PLA2G4C: variants seen among roughly 807,000 people sequenced by gnomAD.
PLA2G4C encodes phospholipase A2 group IVC, also known as cytosolic phospholipase A2 gamma.
PLA2G4C carries 64 observed loss-of-function variants against 73.8 expected under a neutral mutation model. The ratio of observed to expected loss-of-function variants is 0.87; its 90% CI spans 0.71 to 1.07. The LOEUF is 1.07. Among genes scored for constraint, PLA2G4C ranks in the 50% least tolerant of loss-of-function variants. The pLI, the probability that PLA2G4C is intolerant of heterozygous loss-of-function variation, is 0.00. For synonymous variants in PLA2G4C, 254 were observed against 252.1 expected, an observed-to-expected ratio of 1.01 and a Z score of -0.07; for missense variants, 622 against 665.4, an observed-to-expected ratio of 0.93 and a Z score of 0.72.
intron 14 of PLA2G4C, chr19:48,061,469 CA>C (rs985142907): frequency 6.3e-4 from 99 of 158,028 alleles, no homozygotes; most frequent in African/African-American, 2.2e-3. Flanking sequence ...TGGATCAGGC[CA>C]CACAGCTGGT....
intron 7 of PLA2G4C, among the ~76,000 whole-genome samples, chr19:48,093,556 G>A (rs369189186): frequency 1.5e-4 from 23 of 152,214 alleles, no homozygotes; most frequent in East Asian, 1.4e-3. Context: ...TATCGCACTT[G>A]GAATCCAAAC....
In PLA2G4C at chr19:48,105,460, C is replaced by G; in HGVS notation, c.9-16G>C. 2 of 1,584,698 alleles carry G rather than the reference C, an allele frequency of 1.3e-6. 1 individual carries two copies. Among genetic ancestry groups the G allele is most frequent in the South Asian group, 2.2e-5 (2 of 89,764 alleles). ...AACTTCAGAGCTTCCCAGGAGAAAA[C>G]ACAAAGAAGTCCAGAAAATTCACAG... On this transcript the variant is annotated splice_polypyrimidine_tract_variant and intron_variant, in intron 2 of 16. Transcript: ENST00000599921.
At chr19:48,050,723 G>A (rs1297410601) in intron 16 of PLA2G4C, among the ~76,000 whole-genome samples, 2 of 127,340 alleles carry the variant, frequency 1.6e-5, no homozygotes, top group African/African-American at 2.9e-5. Context: ...CATCGAAGCT[G>A]GAGTGCAGTG....
intron 7 of PLA2G4C, among the ~76,000 whole-genome samples, chr19:48,090,958 AC>A (rs1228407867): frequency 2.0e-5 from 3 of 151,696 alleles, no homozygotes. Flanking sequence ...TTGGGCTATG[AC>A]TGTGCTTTTG....
At chr19:48,093,810 G>A (rs2031433722) in intron 7 of PLA2G4C, among the ~76,000 whole-genome samples, 1 of 152,182 alleles carries the variant, frequency 6.6e-6, no homozygotes, top group Non-Finnish European at 1.5e-5. Flanking sequence ...ATCAGATCAT[G>A]GGGGCAGATC....
In PLA2G4C at chr19:48,106,533, GCA is replaced by G; in HGVS notation, c.-6_-5del. 1 of 1,612,142 alleles carries G rather than the reference GCA, an allele frequency of 6.2e-7. No homozygotes were observed. Among genetic ancestry groups the G allele is most frequent in the South Asian group, 1.1e-5 (1 of 91,052 alleles). ...CTAAGAGGACTTACCTTCCCATGGT[GCA>G]CTGCGGTCAGAAAATTCTCAGTCCT... On this transcript the variant is annotated 5_prime_UTR_variant, in exon 2 of 17. Transcript: ENST00000599921.
At chr19:48,110,037 C>T (rs2032413147) in intron 1 of PLA2G4C, among the ~76,000 whole-genome samples, 1 of 151,006 alleles carries the variant, frequency 6.6e-6, no homozygotes, top group South Asian at 2.1e-4. Context: ...GGACTTCTAG[C>T]TTCCAGAAGT....
chr19:48,067,369 T>C (rs575192077), intron 13 of PLA2G4C, among the ~76,000 whole-genome samples: 4 of 152,126 alleles, frequency 2.6e-5, no homozygotes, highest in African/African-American at 9.6e-5. Flanking sequence ...GGTTTTACCA[T>C]GTTGGCCAAG....
rs774072527 is a variant in PLA2G4C, at chr19:48,095,623, G to C, written c.569-19C>G. On this transcript the variant is annotated intron_variant, in intron 6 of 16. Coordinates refer to ENST00000599921, the MANE Select transcript of PLA2G4C (RefSeq NM_003706.3). ...CAGGTCTCTGCAGAGGAAATACAACGGCAAGTGAGTCCCAGCACAGAACCA... is the reference window on the plus strand; with the variant it reads ...CAGGTCTCTGCAGAGGAAATACAACCGCAAGTGAGTCCCAGCACAGAACCA... The C allele has an allele frequency of 6.2e-7, 1 of 1,613,262 alleles. No homozygotes were observed. The highest frequency in any genetic ancestry group is 8.5e-7 in the Non-Finnish European group (1 of 1,179,364).
chr19:48,059,355 T>G (rs1244329629), intron 14 of PLA2G4C, among the ~76,000 whole-genome samples: 1 of 152,012 alleles, frequency 6.6e-6, no homozygotes, highest in Non-Finnish European at 1.5e-5. Context: ...ATGTCAAAAG[T>G]GTGATTGCCT....
At chr19:48,074,916 A>G in intron 11 of PLA2G4C, 42 bp from the exon 12 acceptor site, 1 of 1,319,410 alleles carries the variant, frequency 7.6e-7, no homozygotes. Context: ...CTGTCCAAGT[A>G]CCCTACCAAG....
At chr19:48,108,101 A>G (rs1361734833) in intron 1 of PLA2G4C, among the ~76,000 whole-genome samples, 3 of 151,710 alleles carry the variant, frequency 2.0e-5, no homozygotes, top group Non-Finnish European at 4.4e-5. Flanking sequence ...CTTTTCTTCT[A>G]TCTCTTTGTC....
intron 10 of PLA2G4C, among the ~76,000 whole-genome samples, chr19:48,081,951 C>T (rs1216032348): frequency 6.6e-6 from 1 of 151,750 alleles, no homozygotes. Context: ...CATGGTGGTA[C>T]GTGCCTGTAA....
At chr19:48,074,589 C>T (rs964578454) in intron 12 of PLA2G4C, 178 bp downstream of exon 12, 4 of 614,574 alleles carry the variant, frequency 6.5e-6, no homozygotes, top group Non-Finnish European at 1.2e-5. Context: ...AACTAATTTA[C>T]ATTGGGGGAT....
intron 2 of PLA2G4C, among the ~76,000 whole-genome samples, chr19:48,106,171 C>T (rs1012544074): frequency 2.7e-5 from 4 of 150,560 alleles, no homozygotes; most frequent in Non-Finnish European, 5.9e-5. Flanking sequence ...CAGCCTTGAA[C>T]ACCGGGACTC....
At chr19:48,057,264 A>G (rs1430070195) in intron 14 of PLA2G4C, among the ~76,000 whole-genome samples, 1 of 152,068 alleles carries the variant, frequency 6.6e-6, no homozygotes, top group Non-Finnish European at 1.5e-5. Flanking sequence ...TAACGTAAGA[A>G]TATTTTAAAT....
chr19:48,110,491 G>T lies in PLA2G4C; in HGVS notation c.-37C>A. The stretch of plus-strand genomic sequence containing the variant: ...CTCCCTGCCCCCACGGCTTGCCTGA[G>T]CCTGGGTCTGGGGCGTGTGCGCATG... On this transcript the variant is annotated 5_prime_UTR_variant, in exon 1 of 17. Coordinates refer to ENST00000599921, the MANE Select transcript of PLA2G4C (RefSeq NM_003706.3). 4 of 1,538,236 alleles carry T rather than the reference G, an allele frequency of 2.6e-6. No individual in the cohort carries two copies. Among genetic ancestry groups the T allele is most frequent in the Non-Finnish European group, 2.6e-6 (3 of 1,143,948 alleles).
chr19:48,059,000 T>C (rs1185887489), intron 14 of PLA2G4C, among the ~76,000 whole-genome samples: 1 of 151,940 alleles, frequency 6.6e-6, no homozygotes, highest in Non-Finnish European at 1.5e-5. Flanking sequence ...TGGCCGGGCG[T>C]GGTGGCTCAC....
chr19:48,104,634 G>C lies in PLA2G4C; in HGVS notation c.211C>G (p.Leu71Val). 6.2e-7 allele frequency: 1 copy of C among 1,614,126 alleles called. No individual in the cohort carries two copies. The highest frequency in any genetic ancestry group is 8.5e-7 in the Non-Finnish European group (1 of 1,179,998). ...GCGAGGTACGTGACGGCATCCAACA[G>C]GCCCTGTTCTTTCATCTCACTCAGG... is the stretch of plus-strand genomic sequence containing the variant. Reference protein sequence around the residue: ...GVLSEMKEQGLLDAVTYLAGV... With the variant: ...GVLSEMKEQGVLDAVTYLAGV... Residue 71 changes from leucine to valine, a missense_variant, in exon 4 of 17, where the codon CTG (leucine) becomes GTG (valine). By Grantham distance (32) the Leu-to-Val change is conservative. Coordinates refer to ENST00000599921, the MANE Select transcript of PLA2G4C (RefSeq NM_003706.3).
Sources: allele counts gnomAD v4.1 joint callset (sites outside exome capture counted in the v4.1 genomes callset), GRCh38; gene constraint gnomAD v4.1.1; transcripts MANE v1.5; gene names NCBI Gene and HGNC (gene_info 2026-07-23, HGNC 2026-07-21).